PLCZ1: variants seen among roughly 807,000 people sequenced by gnomAD.
PLCZ1 encodes 1-phosphatidylinositol 4,5-bisphosphate phosphodiesterase zeta-1.
Under a neutral mutation model 76.8 loss-of-function variants are expected in PLCZ1, and 64 were observed. The observed-to-expected ratio is 0.83, with a 90% confidence interval of 0.68 to 1.03. The LOEUF is 1.03. PLCZ1 is among the 50% of genes least tolerant of loss of function. The pLI is 0.00. For missense variants in PLCZ1, 751 were observed against 713.7 expected (o/e 1.05, Z -0.60); for synonymous variants, 248 against 230.8 (o/e 1.07, Z -0.68).
chr12:18,676,862 T>C, the PLCZ1 span, among the ~76,000 whole-genome samples: 3 of 152,118 alleles, frequency 2.0e-5, no homozygotes, highest in South Asian at 6.2e-4. Context: ...ATCACAGCCA[T>C]GTAAAATAAT....
downstream of PLCZ1, chr12:18,683,149 C>G: frequency 9.1e-7 from 1 of 1,099,316 alleles, no homozygotes; most frequent in East Asian, 2.5e-5. Context: ...AATTATTTTT[C>G]TTTATGTTTA....
At chr12:18,654,503 C>A in the PLCZ1 span, among the ~76,000 whole-genome samples, 1 of 152,078 alleles carries the variant, frequency 6.6e-6, no homozygotes, top group African/African-American at 2.4e-5. Context: ...CGATTTCAGA[C>A]CGAAATCCCA....
At position 18,683,189 on chromosome 12, in the gene PLCZ1, G is replaced by T. The variant is rs1246962486; in HGVS notation, c.*50C>A. On this transcript the variant is annotated 3_prime_UTR_variant, in exon 15 of 15. Coordinates refer to ENST00000266505, the MANE Select transcript of PLCZ1 (RefSeq NM_033123.4). ...AGAAAACATAAAGACATTCATTTTG[G>T]CTGTTTTATTGCGATGCATAGCTAA... is the stretch of plus-strand genomic sequence containing the variant. 4 of 1,457,330 alleles carry T rather than the reference G, an allele frequency of 2.7e-6. No homozygotes were observed. The highest frequency in any genetic ancestry group is 3.8e-6 in the Non-Finnish European group (4 of 1,039,166). The allele number at this position is 1,457,330 out of a possible 1,614,324, so 90.3% of individuals were successfully genotyped here. A position where few individuals can be genotyped will look rare whatever the true frequency, so the allele number is the denominator to read the frequency against.
intron 5 of PLCZ1, among the ~76,000 whole-genome samples, chr12:18,716,881 A>G (rs1431808817): frequency 6.6e-6 from 1 of 152,222 alleles, no homozygotes; most frequent in Non-Finnish European, 1.5e-5. Context: ...ACATTAAGAT[A>G]TTGAATGCTT....
the PLCZ1 span, among the ~76,000 whole-genome samples, chr12:18,647,025 T>C: frequency 5.4e-4 from 82 of 152,308 alleles, 1 homozygote; most frequent in East Asian, 0.015. Flanking sequence ...ATCAAAATGT[T>C]AACTGTAATT....
chr12:18,708,455 A>G (rs1178462821), intron 6 of PLCZ1, among the ~76,000 whole-genome samples: 1 of 152,206 alleles, frequency 6.6e-6, no homozygotes, highest in Non-Finnish European at 1.5e-5. Flanking sequence ...ATTGTGAACA[A>G]TTCTACAGTG....
intron 9 of PLCZ1, among the ~76,000 whole-genome samples, chr12:18,700,538 A>AAAAAAAAAAAG (rs1370935394): frequency 6.6e-5 from 9 of 135,918 alleles, no homozygotes; most frequent in Non-Finnish European, 6.2e-5. Context: ...AAAAAAAAAT[A>AAAAAAAAAAAG]GTTGCTCTGC....
the PLCZ1 span, among the ~76,000 whole-genome samples, chr12:18,660,215 C>T: frequency 6.6e-6 from 1 of 152,110 alleles, no homozygotes; most frequent in Non-Finnish European, 1.5e-5. Context: ...GGCTATCCAT[C>T]CCCATTCTCC....
the PLCZ1 span, among the ~76,000 whole-genome samples, chr12:18,654,364 G>A: frequency 1.6e-3 from 241 of 151,004 alleles, no homozygotes; most frequent in Middle Eastern, 3.4e-3. Flanking sequence ...ATGATTTCCT[G>A]GAAAGACTAA....
chr12:18,682,307 C>T (rs1182474215), downstream of PLCZ1, among the ~76,000 whole-genome samples: 1 of 151,970 alleles, frequency 6.6e-6, no homozygotes, highest in Non-Finnish European at 1.5e-5. Context: ...TAGTACACAT[C>T]CCAAACATTT....
the PLCZ1 span, among the ~76,000 whole-genome samples, chr12:18,650,754 A>G: frequency 0.18 from 18,930 of 105,256 alleles, 2,516 homozygotes; most frequent in East Asian, 0.34. Context: ...ATATATATAT[A>G]TATATATATA....
chr12:18,648,204 T>C, the PLCZ1 span: 7 of 361,802 alleles, frequency 1.9e-5, no homozygotes, highest in East Asian at 4.0e-5. Flanking sequence ...TGTGCTTTCA[T>C]TGTTTTTTCA....
the PLCZ1 span, among the ~76,000 whole-genome samples, chr12:18,667,017 A>G: frequency 1.3e-5 from 2 of 152,198 alleles, no homozygotes; most frequent in African/African-American, 4.8e-5. Context: ...CCGTTTCTCA[A>G]TAATGGTGTA....
intron 6 of PLCZ1, among the ~76,000 whole-genome samples, chr12:18,707,093 G>T (rs1453234477): frequency 6.6e-6 from 1 of 152,082 alleles, no homozygotes; most frequent in Non-Finnish European, 1.5e-5. Flanking sequence ...TCTTATAAAA[G>T]TCCTTATGAT....
At chr12:18,664,893 A>T in the PLCZ1 span, among the ~76,000 whole-genome samples, 1 of 151,254 alleles carries the variant, frequency 6.6e-6, no homozygotes, top group Admixed American at 6.6e-5. Context: ...CATTCTCAGT[A>T]AACTATCACA....
Position 18,683,287 on chromosome 12 carries a change from C to G in PLCZ1, c.1779G>C (p.Glu593Asp). The G allele has an allele frequency of 3.1e-6, 5 of 1,612,548 alleles. No individual in the cohort carries two copies. The highest frequency in any genetic ancestry group is 4.2e-6 in the Non-Finnish European group (5 of 1,179,054). The change falls in exon 15 of 15, where the codon GAG (glutamate) becomes GAC (aspartate). Residue 593 changes from glutamate (E) to aspartate (D), a missense_variant. Transcript: ENST00000266505. ...CAAACAGTGAAGCAGGCTCAAGGCT[C>G]TCACCCATTCTGGAAAACAGAGGAA... is the stretch of plus-strand genomic sequence containing the variant. ...RRIPLFSRMG[E>D]SLEPASLFVY...
At chr12:18,683,713 A>G in intron 14 of PLCZ1, 1 of 1,005,934 alleles carries the variant, frequency 9.9e-7, no homozygotes, top group East Asian at 5.5e-5. Context: ...CTGCAACATA[A>G]AGGTAGTCAG....
intron 13 of PLCZ1, among the ~76,000 whole-genome samples, chr12:18,685,098 G>A (rs566803031): frequency 6.6e-6 from 1 of 152,136 alleles, no homozygotes; most frequent in South Asian, 2.1e-4. Flanking sequence ...TATGAAAATG[G>A]ACTAATACAG....
chr12:18,734,586 G>A lies in PLCZ1; in HGVS notation c.135+1635C>T, dbSNP rs928829786. The stretch of plus-strand genomic sequence containing the variant: ...GGCTGGCCTCGAACTCCTGACCTCA[G>A]GTGATGCACCTGCCTCAGCCTCCCA... On this transcript the variant is annotated intron_variant, in intron 3 of 14. Transcript: ENST00000266505. 5.9e-5 allele frequency among the ~76,000 whole-genome samples: 9 copies of A among 152,080 alleles called. No individual in the cohort carries two copies. In the East Asian group the frequency reaches 1.7e-3, roughly 29 times the overall value.
Sources: allele counts gnomAD v4.1 joint callset (sites outside exome capture counted in the v4.1 genomes callset), GRCh38; gene constraint gnomAD v4.1.1; transcripts MANE v1.5; gene names NCBI Gene and HGNC (gene_info 2026-07-23, HGNC 2026-07-21).